The following CADPS2 variants were observed in gnomAD, a reference collection of about 807,000 sequenced individuals.
CADPS2 encodes calcium-dependent secretion activator 2.
In CADPS2, 93 loss-of-function variants were observed where a neutral mutation model predicts 172.5. The ratio of observed to expected loss-of-function variants is 0.54; its 90% confidence interval spans 0.46 to 0.64. The LOEUF (loss-of-function observed/expected upper bound fraction) is 0.64. Among genes scored for constraint, CADPS2 ranks in the 30% least tolerant of loss-of-function variants. The probability of loss-of-function intolerance (pLI) is 0.00; values close to 1 mark genes in which losing one functional copy is unlikely to be tolerated. For missense variants in CADPS2, 1,420 were observed against 1,565.9 expected, an observed-to-expected ratio of 0.91 and a Z score of 1.57; for synonymous variants, 546 against 555.2, an observed-to-expected ratio of 0.98 and a Z score of 0.23.
At chr7:122,454,159 A>G (rs1197931153) in intron 14 of CADPS2, among the ~76,000 whole-genome samples, 1 of 152,210 alleles carries the variant, frequency 6.6e-6, no homozygotes, top group Non-Finnish European at 1.5e-5. Context: ...TGTCATCAAC[A>G]TCTTGTCACT....
At chr7:122,391,681 G>T (rs2044381940) in intron 22 of CADPS2, among the ~76,000 whole-genome samples, 1 of 152,136 alleles carries the variant, frequency 6.6e-6, no homozygotes, top group South Asian at 2.1e-4. Context: ...TATGAATGCA[G>T]TTATGATGTT....
chr7:122,542,760 A>G (rs1425908233), intron 8 of CADPS2, among the ~76,000 whole-genome samples: 2 of 151,896 alleles, frequency 1.3e-5, no homozygotes, highest in African/African-American at 2.4e-5. Flanking sequence ...ATCAGTCTAG[A>G]ATCTCTCTGA....
intron 2 of CADPS2, among the ~76,000 whole-genome samples, chr7:122,730,579 T>C (rs920900073): frequency 6.6e-6 from 1 of 151,726 alleles, no homozygotes; most frequent in Non-Finnish European, 1.5e-5. Flanking sequence ...TTATTATGCA[T>C]TTACTTAAAA....
chr7:122,640,862 A>T (rs1367589445), intron 3 of CADPS2, among the ~76,000 whole-genome samples: 2 of 150,172 alleles, frequency 1.3e-5, no homozygotes, highest in South Asian at 4.2e-4. Context: ...TGAACCCGGG[A>T]GGTGGAGTTT....
At chr7:122,625,480 G>A (rs1280332155) in intron 4 of CADPS2, among the ~76,000 whole-genome samples, 2 of 152,116 alleles carry the variant, frequency 1.3e-5, no homozygotes, top group African/African-American at 2.4e-5. Flanking sequence ...TCAGTAAATC[G>A]GATCACCCTC....
At chr7:122,758,200 G>C (rs905130882) in intron 1 of CADPS2, among the ~76,000 whole-genome samples, 1 of 151,960 alleles carries the variant, frequency 6.6e-6, no homozygotes, top group Non-Finnish European at 1.5e-5. Context: ...AGTTCTTTTT[G>C]CTGAAAATTG....
intron 25 of CADPS2, among the ~76,000 whole-genome samples, chr7:122,375,113 A>C (rs151062435): frequency 1.2e-3 from 184 of 152,316 alleles, no homozygotes; most frequent in African/African-American, 4.3e-3. Context: ...CAAAATGTCC[A>C]TACTACTTAA....
chr7:122,428,471 A>G (rs186422775), intron 17 of CADPS2, among the ~76,000 whole-genome samples: 1 of 117,084 alleles, frequency 8.5e-6, no homozygotes, highest in Non-Finnish European at 1.7e-5. Context: ...ATATATATAT[A>G]TTTTTTTTTT....
chr7:122,675,378 C>T (rs528346885), intron 2 of CADPS2, among the ~76,000 whole-genome samples: 1 of 152,304 alleles, frequency 6.6e-6, no homozygotes, highest in South Asian at 2.1e-4. Context: ...GCCAGTGTGC[C>T]TCCTCTGATT....
chr7:122,471,588 T>C (rs1173644072), intron 13 of CADPS2, 26 bp from the exon 14 acceptor site: 6 of 1,520,648 alleles, frequency 3.9e-6, no homozygotes, highest in Admixed American at 4.4e-5. Context: ...AGAATAGATA[T>C]ACATGTTTTT....
intron 24 of CADPS2, among the ~76,000 whole-genome samples, chr7:122,381,073 C>A (rs1349031351): frequency 6.6e-6 from 1 of 152,046 alleles, no homozygotes; most frequent in Non-Finnish European, 1.5e-5. Flanking sequence ...TATCTGAGAC[C>A]AGCTGAACAA....
intron 2 of CADPS2, among the ~76,000 whole-genome samples, chr7:122,680,430 C>A (rs746471246): frequency 2.0e-5 from 3 of 152,134 alleles, no homozygotes; most frequent in African/African-American, 4.8e-5. Flanking sequence ...GCCCTTAGAC[C>A]AGGCCAGGCA....
intron 9 of CADPS2, among the ~76,000 whole-genome samples, chr7:122,492,499 C>G (rs1202440614): frequency 6.6e-6 from 1 of 152,018 alleles, no homozygotes; most frequent in South Asian, 2.1e-4. Context: ...GTTTCATTAG[C>G]CCAGTTTGGG....
chr7:122,601,583 T>A (rs1048641238), intron 6 of CADPS2, among the ~76,000 whole-genome samples: 1 of 152,066 alleles, frequency 6.6e-6, no homozygotes, highest in African/African-American at 2.4e-5. Flanking sequence ...TAGGATCATC[T>A]TCTCTTCCTT....
intron 14 of CADPS2, among the ~76,000 whole-genome samples, chr7:122,471,159 G>A (rs28390321): frequency 0.013 from 1,969 of 151,556 alleles, 46 homozygotes; most frequent in African/African-American, 0.045. Flanking sequence ...TCTCTCTTTC[G>A]AGTGGCTTTA....
At chr7:122,329,699 A>G (rs1226113500) in intron 28 of CADPS2, among the ~76,000 whole-genome samples, 1 of 152,242 alleles carries the variant, frequency 6.6e-6, no homozygotes, top group Non-Finnish European at 1.5e-5. Context: ...CCTGGAAACA[A>G]GCACTTCACC....
At chr7:122,513,174 T>C in intron 9 of CADPS2, 75 bp downstream of exon 9, 2 of 936,444 alleles carry the variant, frequency 2.1e-6, no homozygotes, top group Non-Finnish European at 3.3e-6. Context: ...TAAATTTTGA[T>C]AGATATAACC....
intron 1 of CADPS2, among the ~76,000 whole-genome samples, chr7:122,836,731 T>A (rs943917779): frequency 6.6e-6 from 1 of 152,168 alleles, no homozygotes; most frequent in African/African-American, 2.4e-5. Flanking sequence ...GAGCTAACTA[T>A]CTTAAATATA....
At chr7:122,734,729 T>C (rs1311908865) in intron 2 of CADPS2, among the ~76,000 whole-genome samples, 1 of 152,108 alleles carries the variant, frequency 6.6e-6, no homozygotes, top group Non-Finnish European at 1.5e-5. Context: ...TAAATTTATT[T>C]ATTCATTCAA....
Sources: allele counts gnomAD v4.1 joint callset (sites outside exome capture counted in the v4.1 genomes callset), GRCh38; gene constraint gnomAD v4.1.1; transcripts MANE v1.5; gene names NCBI Gene and HGNC (gene_info 2026-07-23, HGNC 2026-07-21).